Variants in NAV3 observed in about 807,000 individuals in gnomAD.
The protein encoded by NAV3 is neuron navigator 3.
In NAV3, 87 loss-of-function variants were observed where a neutral mutation model predicts 244.7. That is an observed-to-expected ratio of 0.36 (90% CI 0.30 to 0.42). The LOEUF is 0.42. NAV3 is among the 20% of genes least tolerant of loss of function. The pLI, the probability that NAV3 is intolerant of heterozygous loss-of-function variation, is 1.00. For synonymous variants in NAV3, 1,126 were observed against 1,042.2 expected, an observed-to-expected ratio of 1.08 and a Z score of -1.55; for missense variants, 2,663 against 2,893.3, an observed-to-expected ratio of 0.92 and a Z score of 1.83.
chr12:78,137,266 C>A lies in NAV3; in HGVS notation c.4531C>A (p.Leu1511Ile). 6.2e-7 allele frequency: 1 copy of A among 1,613,796 alleles called. No homozygotes were observed. The highest frequency in any genetic ancestry group is 8.5e-7 in the Non-Finnish European group (1 of 1,179,798). ...SIPAQDSSFDLYDDSQLCGSA... is the reference protein window; with the variant it reads ...SIPAQDSSFDIYDDSQLCGSA... ...CCCAGCCCAAGACTCTTCCTTCGAT[C>A]TCTATGATGACTCCCAGCTTTGTGG... Residue 1511 changes from leucine (L) to isoleucine (I), a missense_variant, in exon 19 of 40, where the codon CTC becomes ATC. This residue lies in a region of NAV3 where 354 missense variants were observed against 413.0 expected (regional missense o/e 0.86). Transcript: ENST00000397909.
chr12:77,787,095 A>G (rs1385216781), intron 2 of NAV3, among the ~76,000 whole-genome samples: 2 of 152,250 alleles, frequency 1.3e-5, no homozygotes, highest in South Asian at 2.1e-4. Context: ...GGGAAGAAGC[A>G]GAGAAGTTCT....
At chr12:77,859,856 T>A (rs1158224618) in intron 1 of NAV3, among the ~76,000 whole-genome samples, 4 of 151,264 alleles carry the variant, frequency 2.6e-5, no homozygotes, top group African/African-American at 9.7e-5. Flanking sequence ...TTGCCCTGAA[T>A]TTGAACCCTG....
chr12:77,686,355 A>T (rs1362131659), intron 2 of NAV3, among the ~76,000 whole-genome samples: 1 of 150,358 alleles, frequency 6.7e-6, no homozygotes, highest in Admixed American at 6.6e-5. Flanking sequence ...AGCCTCCCAG[A>T]ATGCTAGGAT....
chr12:78,047,719 T>G (rs1035236859), intron 9 of NAV3, among the ~76,000 whole-genome samples: 1 of 152,176 alleles, frequency 6.6e-6, no homozygotes, highest in South Asian at 2.1e-4. Context: ...ATCTTTGTGG[T>G]GGTCCCTGTA....
chr12:78,186,045 A>G (rs752888360), intron 31 of NAV3, among the ~76,000 whole-genome samples: 9 of 151,830 alleles, frequency 5.9e-5, no homozygotes, highest in Non-Finnish European at 1.3e-4. Context: ...TGCAGTCGCT[A>G]GAGCTGTCAA....
intron 20 of NAV3, among the ~76,000 whole-genome samples, chr12:78,140,821 ATGT>A (rs34234216): frequency 0.33 from 50,576 of 151,220 alleles, 8,679 homozygotes; most frequent in East Asian, 0.48. Flanking sequence ...AGAACCAGAG[ATGT>A]TTTTTTTTAA....
intron 1 of NAV3, among the ~76,000 whole-genome samples, chr12:77,934,248 G>C (rs1889104460): frequency 1.3e-5 from 2 of 152,202 alleles, no homozygotes; most frequent in South Asian, 4.2e-4. Flanking sequence ...TAGGATTCCT[G>C]TCATACATAA....
intron 17 of NAV3, 52 bp downstream of exon 17, chr12:78,127,260 T>C: frequency 6.5e-7 from 1 of 1,532,238 alleles, no homozygotes; most frequent in Non-Finnish European, 9.0e-7. Flanking sequence ...ATGTAAACTT[T>C]GTGTGCTGTC....
intron 9 of NAV3, among the ~76,000 whole-genome samples, chr12:78,026,994 T>C (rs377206471): frequency 6.6e-6 from 1 of 152,148 alleles, no homozygotes; most frequent in Non-Finnish European, 1.5e-5. Context: ...GGGGTTGATA[T>C]AAATGGAAAA....
At chr12:77,752,608 C>A (rs1868917101) in intron 2 of NAV3, among the ~76,000 whole-genome samples, 1 of 152,166 alleles carries the variant, frequency 6.6e-6, no homozygotes, top group Admixed American at 6.6e-5. Context: ...ATAGACCAGA[C>A]CACCTGAGTC....
At chr12:77,947,446 G>T (rs537244999) in intron 3 of NAV3, 1 of 149,214 alleles carries the variant, frequency 6.7e-6, no homozygotes, top group African/African-American at 2.5e-5. Context: ...AGAAGATGAG[G>T]TTCTTAACCA....
At position 78,153,461 on chromosome 12, in the gene NAV3, A is replaced by T. The variant is rs1194466110; in HGVS notation, c.4785+4542A>T. The stretch of plus-strand genomic sequence containing the variant: ...GGCGTTTCTGATCAATAACTCACCA[A>T]CAAACAGAAAACAGAAGCCGCACAA... On this transcript the variant is annotated intron_variant, in intron 22 of 39. Coordinates refer to ENST00000397909, the MANE Select transcript of NAV3 (RefSeq NM_001024383.2). Among the ~76,000 whole-genome samples the T allele has an allele frequency of 2.0e-5, 3 of 152,078 alleles. No individual in the cohort carries two copies. In the East Asian group the frequency reaches 5.8e-4, roughly 29 times the overall value.
intron 2 of NAV3, among the ~76,000 whole-genome samples, chr12:77,763,412 G>T (rs1415124716): frequency 6.6e-6 from 1 of 152,118 alleles, no homozygotes; most frequent in Non-Finnish European, 1.5e-5. Flanking sequence ...TGGGTCAGGG[G>T]CTCACAGGAT....
rs1892506092 is a variant in NAV3 at position 77,966,286 on chromosome 12, G to A, written c.472G>A (p.Gly158Ser). ...FLAARGVNVQ[G>S]LSAEEIRNGN... ...AGCAGCCAGAGGGGTAAATGTTCAA[G>A]GTCTATCTGCTGAAGGTAAGAAAAA... Residue 158 changes from glycine to serine, a missense_variant, in exon 4 of 40, where the codon GGT becomes AGT. Physicochemically the swap from Gly to Ser is moderately conservative, Grantham distance 56 (BLOSUM62 0). Coordinates refer to ENST00000397909, the MANE Select transcript of NAV3 (RefSeq NM_001024383.2). The A allele has an allele frequency of 6.2e-7, 1 of 1,612,980 alleles. No homozygotes were observed. The highest frequency in any genetic ancestry group is 1.3e-5 in the African/African-American group (1 of 74,856).
At position 78,007,170 on chromosome 12, in the gene NAV3, C is replaced by A. The variant is rs755811434; in HGVS notation, c.1632C>A (p.Gly544=). The A allele has an allele frequency of 5.6e-6, 9 of 1,614,168 alleles. No homozygotes were observed. The highest frequency in any genetic ancestry group is 1.3e-5 in the African/African-American group (1 of 75,056). The part of the protein sequence containing the change: ...VPTVKQTISP[G]STASKESEKF... ...CAGTAAAGCAAACCATTTCACCTGG[C>A]AGCACAGCAAGCAAAGAGTCTGAGA... The change falls in exon 8 of 40, where the codon GGC becomes GGA. Residue 544 remains glycine, a synonymous_variant. Transcript: ENST00000397909.
At chr12:77,878,476 A>G (rs1632672) in intron 1 of NAV3, among the ~76,000 whole-genome samples, 18,026 of 152,020 alleles carry the variant, frequency 0.12, 1,107 homozygotes, top group East Asian at 0.22. Context: ...TGATCTGCCC[A>G]TCTCGGCCTC....
intron 11 of NAV3, 63 bp downstream of exon 11, chr12:78,051,210 T>G: frequency 2.0e-6 from 3 of 1,520,492 alleles, no homozygotes; most frequent in Non-Finnish European, 2.7e-6. Flanking sequence ...TATAATGCAT[T>G]CACTATAAAC....
Position 78,175,341 on chromosome 12 carries a change from G to T in NAV3, c.5017G>T (p.Val1673Phe). ...RIRRQHSSES[V>F]SSINSATSHS... Reference sequence around the variant, plus strand: ...CAGAAGACAGCATTCCTCTGAAAGTGTTTCTAGTATCAACAGTGCCACAAG... The same window carrying T: ...CAGAAGACAGCATTCCTCTGAAAGTTTTTCTAGTATCAACAGTGCCACAAG... Residue 1673 changes from valine to phenylalanine, a missense_variant, in exon 25 of 40, where the codon GTT (valine) becomes TTT (phenylalanine). Around this residue, in one of 6 missense-constraint regions of NAV3, gnomAD observed 193 missense variants for 200.7 expected, o/e 0.96. Transcript: ENST00000397909. 2 of 1,611,478 alleles carry T rather than the reference G, an allele frequency of 1.2e-6. No individual in the cohort carries two copies. The highest frequency in any genetic ancestry group is 1.7e-6 in the Non-Finnish European group (2 of 1,178,310).
chr12:77,670,738 C>G (rs1741018013), intron 2 of NAV3, among the ~76,000 whole-genome samples: 1 of 152,088 alleles, frequency 6.6e-6, no homozygotes, highest in Non-Finnish European at 1.5e-5. Flanking sequence ...AATCCAGCAT[C>G]CCATTATGAT....
Sources: allele counts gnomAD v4.1 joint callset (sites outside exome capture counted in the v4.1 genomes callset), GRCh38; gene constraint gnomAD v4.1.1; regional missense constraint gnomAD v4.1.1; transcripts MANE v1.5; gene names NCBI Gene and HGNC (gene_info 2026-07-23, HGNC 2026-07-21).